The following CSGALNACT1 variants were observed in gnomAD, a reference collection of about 807,000 sequenced individuals.
CSGALNACT1 encodes beta4GalNAcT-1.
In CSGALNACT1, 52 loss-of-function variants were observed where a neutral mutation model predicts 51.0. That is an observed-to-expected ratio of 1.02 (90% CI 0.82 to 1.29). The LOEUF (loss-of-function observed/expected upper bound fraction) is 1.29. Among genes scored for constraint, CSGALNACT1 ranks in the 50% most tolerant of loss-of-function variants. CSGALNACT1 has a pLI of 0.00. For missense variants in CSGALNACT1, 935 were observed against 679.2 expected (o/e 1.38, Z -4.19); for synonymous variants, 341 against 254.4 (o/e 1.34, Z -3.24).
chr8:19,473,429 T>C (rs1460591989), intron 4 of CSGALNACT1, among the ~76,000 whole-genome samples: 2 of 152,172 alleles, frequency 1.3e-5, no homozygotes, highest in African/African-American at 4.8e-5. Flanking sequence ...CCGCCGTCAC[T>C]AACATGATTA....
chr8:19,437,107 G>A (rs2060499023), intron 6 of CSGALNACT1, among the ~76,000 whole-genome samples: 1 of 152,058 alleles, frequency 6.6e-6, no homozygotes, highest in African/African-American at 2.4e-5. Flanking sequence ...AGGAAGAAAT[G>A]TAAATCATCA....
intron 4 of CSGALNACT1, among the ~76,000 whole-genome samples, chr8:19,463,319 A>T (rs997605334): frequency 7.2e-5 from 11 of 152,214 alleles, no homozygotes; most frequent in Non-Finnish European, 1.3e-4. Flanking sequence ...TTGCAACCTA[A>T]GTCCAGCAAA....
chr8:19,533,772 C>T (rs2083230884), intron 3 of CSGALNACT1, among the ~76,000 whole-genome samples: 1 of 152,086 alleles, frequency 6.6e-6, no homozygotes, highest in African/African-American at 2.4e-5. Flanking sequence ...ATGCTCATTG[C>T]TGTAGGCATA....
At chr8:19,481,116 C>T (rs912991488) in intron 4 of CSGALNACT1, among the ~76,000 whole-genome samples, 2 of 152,192 alleles carry the variant, frequency 1.3e-5, no homozygotes, top group African/African-American at 4.8e-5. Context: ...ATTAGCTTTA[C>T]AATGACCAGT....
chr8:19,532,264 T>C (rs1160938057), intron 3 of CSGALNACT1, among the ~76,000 whole-genome samples: 1 of 152,136 alleles, frequency 6.6e-6, no homozygotes. Flanking sequence ...CAGCCATGGC[T>C]TCTTTATCCA....
upstream of CSGALNACT1, among the ~76,000 whole-genome samples, chr8:19,604,794 A>G (rs1485725273): frequency 6.6e-6 from 1 of 150,662 alleles, no homozygotes; most frequent in Non-Finnish European, 1.5e-5. Context: ...AGGTGCCTGT[A>G]GTCTCAGCTA....
exon 10 of CSGALNACT1, chr8:19,404,541 G>T (rs1183749940): frequency 2.2e-6 from 1 of 453,604 alleles, no homozygotes; most frequent in South Asian, 1.6e-5. Context: ...CACCTGGCCT[G>T]GGGTGGATAA....
intron 1 of CSGALNACT1, among the ~76,000 whole-genome samples, chr8:19,658,276 G>A (rs1329976428): frequency 6.6e-6 from 1 of 152,092 alleles, no homozygotes; most frequent in Non-Finnish European, 1.5e-5. Context: ...AAATAAGCTA[G>A]CACCTTGATC....
intron 4 of CSGALNACT1, among the ~76,000 whole-genome samples, chr8:19,471,359 T>A (rs922854111): frequency 3.9e-5 from 6 of 152,098 alleles, no homozygotes; most frequent in Non-Finnish European, 7.4e-5. Context: ...TCTCCCTCCC[T>A]CCTTTTCTTT....
intron 1 of CSGALNACT1, among the ~76,000 whole-genome samples, chr8:19,670,391 C>T (rs1315883831): frequency 1.3e-5 from 2 of 152,166 alleles, no homozygotes; most frequent in African/African-American, 2.4e-5. Flanking sequence ...AAGATTACTG[C>T]AGCCAAGTTA....
At chr8:19,432,074 G>A (rs918407194) in intron 6 of CSGALNACT1, among the ~76,000 whole-genome samples, 7 of 151,996 alleles carry the variant, frequency 4.6e-5, no homozygotes, top group African/African-American at 9.7e-5. Context: ...CAATCTTTAC[G>A]TCTTCATGTG....
In CSGALNACT1 at chr8:19,553,477, C is replaced by T. The variant is rs1014998967; in HGVS notation, c.-297+37683G>A. 2.6e-5 allele frequency among the ~76,000 whole-genome samples: 4 copies of T among 151,690 alleles called. No homozygotes were observed. The South Asian group carries it at 6.2e-4, about 24-fold the overall frequency. On this transcript the variant is annotated intron_variant, in intron 3 of 9. Coordinates refer to ENST00000454498, the Ensembl canonical transcript of CSGALNACT1. The stretch of plus-strand genomic sequence containing the variant: ...AGGCCCAAAATGCAAGAGCTTCTCT[C>T]GCCTATCCCAAACTCCTATCACTCA...
chr8:19,458,186 G>A (rs1409553294), intron 5 of CSGALNACT1, among the ~76,000 whole-genome samples: 1 of 152,170 alleles, frequency 6.6e-6, no homozygotes, highest in Non-Finnish European at 1.5e-5. Flanking sequence ...GTAGATCCTG[G>A]TGAAAACCCA....
chr8:19,572,335 A>C (rs1320929383), intron 3 of CSGALNACT1, among the ~76,000 whole-genome samples: 1 of 152,202 alleles, frequency 6.6e-6, no homozygotes, highest in Non-Finnish European at 1.5e-5. Flanking sequence ...GTCATTCTTC[A>C]TGGATATTCA....
Position 19,499,263 on chromosome 8 carries a change from C to G in CSGALNACT1, c.634+5938G>C, listed in dbSNP as rs139867442. Among the ~76,000 whole-genome samples the G allele has an allele frequency of 5.2e-3, 786 of 152,318 alleles. 5 individuals are homozygous for G. Among genetic ancestry groups the G allele is most frequent in the Admixed American group, 7.9e-3 (121 of 15,310 alleles). On this transcript the variant is annotated intron_variant, in intron 4 of 9. Coordinates refer to ENST00000454498, the Ensembl canonical transcript of CSGALNACT1. ...CAGTCACAAAATCTCCAAGGCTTAT[C>G]TCTATCATGGCATTTACCATATGCT... is the stretch of plus-strand genomic sequence containing the variant.
At chr8:19,589,201 G>A (rs2047288503) in intron 3 of CSGALNACT1, among the ~76,000 whole-genome samples, 1 of 152,188 alleles carries the variant, frequency 6.6e-6, no homozygotes, top group Admixed American at 6.5e-5. Context: ...TTTCTTTGAG[G>A]AGAAAACCAT....
intron 3 of CSGALNACT1, among the ~76,000 whole-genome samples, chr8:19,549,460 G>C (rs998670523): frequency 2.0e-5 from 3 of 150,608 alleles, no homozygotes; most frequent in Non-Finnish European, 2.9e-5. Flanking sequence ...CTAGAAAACT[G>C]ATAGATAAAC....
intron 1 of CSGALNACT1, among the ~76,000 whole-genome samples, chr8:19,715,451 A>ACATG (rs1195680877): frequency 6.6e-6 from 1 of 152,216 alleles, no homozygotes; most frequent in African/African-American, 2.4e-5. Flanking sequence ...GCTGCAAAGG[A>ACATG]CATGACCTCA....
chr8:19,572,139 T>C (rs2043179560), intron 3 of CSGALNACT1, among the ~76,000 whole-genome samples: 1 of 152,204 alleles, frequency 6.6e-6, no homozygotes, highest in African/African-American at 2.4e-5. Flanking sequence ...AATATTTACA[T>C]ACTTCCCCTA....
Sources: allele counts gnomAD v4.1 joint callset (sites outside exome capture counted in the v4.1 genomes callset), GRCh38; gene constraint gnomAD v4.1.1; transcripts MANE v1.5; gene names NCBI Gene and HGNC (gene_info 2026-07-23, HGNC 2026-07-21).